The following PCM1 variants were observed in gnomAD, a reference collection of about 807,000 sequenced individuals.
PCM1 encodes the protein pericentriolar material 1.
Under a neutral mutation model 241.9 loss-of-function variants are expected in PCM1, and 157 were observed. The observed-to-expected ratio is 0.65, with a 90% confidence interval of 0.57 to 0.74. The LOEUF is 0.74. PCM1 is among the 30% of genes least tolerant of loss of function. The pLI, the probability that PCM1 is intolerant of heterozygous loss-of-function variation, is 0.00. For missense variants in PCM1, 3,478 were observed against 2,360.1 expected (o/e 1.47, Z -9.81); for synonymous variants, 1,085 against 784.9 (o/e 1.38, Z -6.39).
At position 18,014,507 on chromosome 8, in the gene PCM1, A is replaced by C; in HGVS notation, c.5585-77A>C. On this transcript the variant is annotated intron_variant, in intron 35 of 38. Coordinates refer to ENST00000325083, the MANE Select transcript of PCM1 (RefSeq NM_006197.4). ...ATCTTGATTGCTCTTATTCAGGCGT[A>C]TTGTCTTTATTAGTATAATAGTAAA... 2.6e-6 allele frequency: 3 copies of C among 1,166,236 alleles called. No homozygotes were observed. In the Admixed American group the frequency reaches 7.5e-5, roughly 29 times the overall value. 72.2% of individuals were successfully genotyped at this position (1,166,236 alleles called of 1,614,324 possible).
intron 7 of PCM1, among the ~76,000 whole-genome samples, chr8:17,950,338 C>G (rs2065557077): frequency 2.6e-5 from 4 of 152,186 alleles, no homozygotes; most frequent in Admixed American, 2.0e-4. Flanking sequence ...CACTGAGTCA[C>G]TACTATTAAT....
At chr8:17,984,391 A>G (rs1015616377) in intron 24 of PCM1, among the ~76,000 whole-genome samples, 15 of 151,982 alleles carry the variant, frequency 9.9e-5, no homozygotes, top group African/African-American at 3.1e-4. Context: ...CATTTTTGTG[A>G]TAGTTCATAC....
At chr8:17,967,305 C>CA in intron 21 of PCM1, 135 bp downstream of exon 21, 1 of 515,044 alleles carries the variant, frequency 1.9e-6, no homozygotes, top group Non-Finnish European at 3.3e-6. Context: ...GTTACAAACT[C>CA]TTTTTTTTTT....
intron 16 of PCM1, 105 bp from the exon 17 acceptor site, chr8:17,962,996 A>G: frequency 1.4e-6 from 1 of 713,584 alleles, no homozygotes; most frequent in South Asian, 1.9e-5. Context: ...GGAGAGAATG[A>G]GAATAGAAAC....
intron 34 of PCM1, among the ~76,000 whole-genome samples, chr8:18,013,100 A>G (rs895201147): frequency 2.0e-5 from 3 of 152,064 alleles, no homozygotes; most frequent in Middle Eastern, 3.2e-3. Flanking sequence ...GTTAGTATCT[A>G]TTGGTCTTTT....
chr8:17,969,888 G>C (rs548405919), intron 22 of PCM1, 140 bp downstream of exon 22: 5 of 647,804 alleles, frequency 7.7e-6, no homozygotes, highest in Admixed American at 3.2e-5. Flanking sequence ...AAACTTTGAC[G>C]TATCAGTAGA....
intron 31 of PCM1, 70 bp downstream of exon 31, chr8:18,009,814 CTG>C (rs1383285166): frequency 1.0e-6 from 1 of 981,090 alleles, no homozygotes; most frequent in Non-Finnish European, 1.4e-6. Flanking sequence ...TTATTATTAA[CTG>C]AAATCACATT....
chr8:17,969,498 T>G (rs918327259), intron 21 of PCM1, 79 bp from the exon 22 acceptor site: 2 of 1,099,742 alleles, frequency 1.8e-6, no homozygotes, highest in Non-Finnish European at 2.6e-6. Flanking sequence ...ACATGTTTAA[T>G]TAAAACTGTC....
chr8:17,988,276 G>A (rs1261829294), intron 26 of PCM1, among the ~76,000 whole-genome samples: 1 of 151,794 alleles, frequency 6.6e-6, no homozygotes, highest in Non-Finnish European at 1.5e-5. Flanking sequence ...AGGGACAAAT[G>A]TTTGATTTCA....
chr8:17,945,970 T>A (rs1031466172), intron 6 of PCM1, among the ~76,000 whole-genome samples: 1 of 152,194 alleles, frequency 6.6e-6, no homozygotes, highest in Non-Finnish European at 1.5e-5. Flanking sequence ...TAAAAGACTT[T>A]TTAAAAGGTA....
intron 6 of PCM1, among the ~76,000 whole-genome samples, chr8:17,943,984 A>G (rs1393054226): frequency 6.6e-6 from 1 of 152,186 alleles, no homozygotes; most frequent in South Asian, 2.1e-4. Flanking sequence ...GAAATATTTT[A>G]AGACATGATG....
intron 6 of PCM1, chr8:17,940,241 C>T (rs534500445): frequency 8.8e-5 from 62 of 702,768 alleles, no homozygotes; most frequent in African/African-American, 6.9e-4. Context: ...TTTTTATAGG[C>T]GTTCCTTAAT....
At chr8:18,005,355 TTG>T (rs1160667632) in intron 29 of PCM1, among the ~76,000 whole-genome samples, 18 of 99,772 alleles carry the variant, frequency 1.8e-4, no homozygotes, top group Non-Finnish European at 3.8e-4. Flanking sequence ...GTTGTTGTTG[TTG>T]TTTTTTTTTT....
chr8:18,009,667 A>T lies in PCM1; in HGVS notation c.5083A>T (p.Asn1695Tyr), dbSNP rs1318684555. The T allele has an allele frequency of 1.3e-6, 2 of 1,581,286 alleles. No homozygotes were observed. Among genetic ancestry groups the T allele is most frequent in the African/African-American group, 1.3e-5 (1 of 74,076 alleles). Residue 1695 changes from asparagine (N) to tyrosine (Y), a missense_variant, in exon 31 of 39, where the codon AAT becomes TAT. Coordinates refer to ENST00000325083, the MANE Select transcript of PCM1 (RefSeq NM_006197.4). ...AFFKLMQDLD[N>Y]NSITVKQRCK... is the part of the protein sequence containing the mutation. ...CTTTAAGCTTATGCAAGATTTGGATAATAATAGTATAACTGTTAAACAGAG... is the reference window on the plus strand; with the variant it reads ...CTTTAAGCTTATGCAAGATTTGGATTATAATAGTATAACTGTTAAACAGAG...
chr8:17,949,973 A>G (rs889568459), intron 7 of PCM1, among the ~76,000 whole-genome samples: 1 of 152,152 alleles, frequency 6.6e-6, no homozygotes, highest in South Asian at 2.1e-4. Flanking sequence ...CTTGTATCAC[A>G]AACAGCCACT....
intron 29 of PCM1, among the ~76,000 whole-genome samples, chr8:18,001,999 T>TC (rs2089660550): frequency 1.2e-4 from 1 of 8,542 alleles, no homozygotes; most frequent in East Asian, 6.8e-3. Context: ...ACCTTTCTTT[T>TC]TTTTTTTTTT....
chr8:17,955,460 C>T lies in PCM1; in HGVS notation c.1289-10C>T, dbSNP rs374339006. 1.3e-6 allele frequency: 2 copies of T among 1,553,962 alleles called. No homozygotes were observed. Among genetic ancestry groups the T allele is most frequent in the Non-Finnish European group, 1.7e-6 (2 of 1,151,616 alleles). Reference sequence around the variant, plus strand: ...TTAAAAAAAATTTTTTGTTGTTGTGCCTTCTTCAGCCTCTCCACAAAGGAG... The same window carrying T: ...TTAAAAAAAATTTTTTGTTGTTGTGTCTTCTTCAGCCTCTCCACAAAGGAG... On this transcript the variant is annotated splice_polypyrimidine_tract_variant and intron_variant, in intron 9 of 38. Transcript: ENST00000325083.
chr8:17,954,417 A>G lies in PCM1; in HGVS notation c.1289-1053A>G, dbSNP rs139567232. On this transcript the variant is annotated intron_variant, in intron 9 of 38. Coordinates refer to ENST00000325083, the MANE Select transcript of PCM1 (RefSeq NM_006197.4). ...ACTCCAGCCTGGGCAACAAAAGTGA[A>G]ACTCCATCTCAAAAAAAAAAAAAAA... Among the ~76,000 whole-genome samples, 599 of 148,652 alleles carry G rather than the reference A, an allele frequency of 4.0e-3. 8 individuals are homozygous for G. Among genetic ancestry groups the G allele is most frequent in the Admixed American group, 0.025 (367 of 14,926 alleles).
Position 17,969,751 on chromosome 8 carries a change from A to AT in PCM1, c.3584+3_3584+4insT. 1 of 1,599,978 alleles carries AT rather than the reference A, an allele frequency of 6.3e-7. No homozygotes were observed. The highest frequency in any genetic ancestry group is 8.5e-7 in the Non-Finnish European group (1 of 1,170,208). On this transcript the variant is annotated splice_donor_region_variant and intron_variant, in intron 22 of 38. Transcript: ENST00000325083. ...TCTATTGGAGCAGAGAAACCAAGGT[A>AT]CTGATTGTAAACAGTCTTTTATTGC... is the stretch of plus-strand genomic sequence containing the variant.
Sources: gnomAD v4.1 joint callset for allele counts (sites outside exome capture counted in the v4.1 genomes callset) on GRCh38, gnomAD v4.1.1 for gene constraint, MANE v1.5 for transcripts, NCBI Gene and HGNC (gene_info 2026-07-23, HGNC 2026-07-21) for gene names.